Variants in MTRF1 observed in about 807,000 individuals in gnomAD.
MTRF1 encodes mitochondrial translation release factor 1.
MTRF1 carries 51 observed loss-of-function variants against 62.9 expected under a neutral mutation model. That is an observed-to-expected ratio of 0.81 (90% CI 0.65 to 1.02). The LOEUF (loss-of-function observed/expected upper bound fraction) is 1.02. MTRF1 is among the 50% of genes least tolerant of loss of function. The probability of loss-of-function intolerance (pLI) is 0.00; values close to 1 mark genes in which losing one functional copy is unlikely to be tolerated. For synonymous variants in MTRF1, 158 were observed against 181.9 expected (o/e 0.87, Z 1.06); for missense variants, 446 against 530.0 (o/e 0.84, Z 1.56).
intron 7 of MTRF1, among the ~76,000 whole-genome samples, chr13:41,228,883 C>T (rs1325513337): frequency 6.6e-6 from 1 of 152,114 alleles, no homozygotes; most frequent in South Asian, 2.1e-4. Context: ...CTAGCAGGGA[C>T]GGTTCCTAGT....
At chr13:41,289,100 T>C in the MTRF1 span, among the ~76,000 whole-genome samples, 1 of 152,290 alleles carries the variant, frequency 6.6e-6, no homozygotes, top group South Asian at 2.1e-4. Context: ...AAAAGCTCGA[T>C]GAGTGAGTGC....
At chr13:41,247,055 T>C (rs2038364001) in intron 5 of MTRF1, among the ~76,000 whole-genome samples, 1 of 152,256 alleles carries the variant, frequency 6.6e-6, no homozygotes, top group African/African-American at 2.4e-5. Flanking sequence ...TCAAGGCATA[T>C]GCAGGCATAC....
At chr13:41,250,181 C>G (rs1037349015) in intron 5 of MTRF1, among the ~76,000 whole-genome samples, 6 of 152,116 alleles carry the variant, frequency 3.9e-5, no homozygotes, top group Non-Finnish European at 8.8e-5. Context: ...TTCTACTACT[C>G]TCCTTTTCAT....
At chr13:41,305,262 T>C in the MTRF1 span, among the ~76,000 whole-genome samples, 1 of 152,204 alleles carries the variant, frequency 6.6e-6, no homozygotes, top group Non-Finnish European at 1.5e-5. Context: ...CTCACTATGT[T>C]GTCCAGGTTG....
chr13:41,218,124 C>CT (rs993379383), intron 9 of MTRF1, among the ~76,000 whole-genome samples: 10 of 150,836 alleles, frequency 6.6e-5, no homozygotes, highest in South Asian at 4.2e-4. Flanking sequence ...ATTGACTAAT[C>CT]TTTTTTTTTG....
intron 6 of MTRF1, chr13:41,235,129 TCC>T (rs2036263239): frequency 6.6e-6 from 1 of 151,806 alleles, no homozygotes; most frequent in Non-Finnish European, 1.5e-5. Flanking sequence ...CTCACTCTGT[TCC>T]CCAGGCTGGA....
intron 6 of MTRF1, among the ~76,000 whole-genome samples, chr13:41,237,678 T>C (rs1314211930): frequency 1.3e-5 from 2 of 152,102 alleles, no homozygotes; most frequent in African/African-American, 2.4e-5. Context: ...TTCGTATTTT[T>C]AGTAGAGACA....
At chr13:41,290,320 T>C in the MTRF1 span, among the ~76,000 whole-genome samples, 2 of 151,478 alleles carry the variant, frequency 1.3e-5, no homozygotes, top group Non-Finnish European at 2.9e-5. Context: ...AGGATGGTCT[T>C]GAACTCCTGA....
At chr13:41,227,658 T>C (rs2034698175) in intron 7 of MTRF1, among the ~76,000 whole-genome samples, 1 of 152,260 alleles carries the variant, frequency 6.6e-6, no homozygotes, top group African/African-American at 2.4e-5. Context: ...AGGGATTTTC[T>C]TTCTGAATCA....
At chr13:41,309,761 C>T in the MTRF1 span, among the ~76,000 whole-genome samples, 1 of 152,102 alleles carries the variant, frequency 6.6e-6, no homozygotes, top group African/African-American at 2.4e-5. Context: ...CTTTGGAAGG[C>T]CGAGGTGGGC....
the MTRF1 span, among the ~76,000 whole-genome samples, chr13:41,280,418 C>T: frequency 3.9e-5 from 6 of 152,318 alleles, no homozygotes; most frequent in African/African-American, 9.6e-5. Flanking sequence ...ATTGATGTCT[C>T]ATGCCTCCCT....
At chr13:41,225,514 G>A (rs896571047) in intron 8 of MTRF1, among the ~76,000 whole-genome samples, 19 of 152,134 alleles carry the variant, frequency 1.2e-4, no homozygotes, top group Non-Finnish European at 2.4e-4. Context: ...TTACCTGCAA[G>A]TTAGCGTGTA....
chr13:41,255,565 G>A (rs6560974), intron 2 of MTRF1, among the ~76,000 whole-genome samples: 81,734 of 151,906 alleles, frequency 0.54, 22,483 homozygotes, highest in South Asian at 0.62. Context: ...GGTGGTGCAC[G>A]CGTGTACCCC....
At chr13:41,291,289 C>T in the MTRF1 span, among the ~76,000 whole-genome samples, 1 of 152,044 alleles carries the variant, frequency 6.6e-6, no homozygotes, top group South Asian at 2.1e-4. Flanking sequence ...GTGATCTTCC[C>T]ACCTCAGCCT....
intron 5 of MTRF1, among the ~76,000 whole-genome samples, chr13:41,251,503 C>T (rs916233121): frequency 1.3e-5 from 2 of 152,126 alleles, no homozygotes; most frequent in Admixed American, 1.3e-4. Flanking sequence ...CCCCACCACT[C>T]CCTTCCCCAC....
intron 5 of MTRF1, among the ~76,000 whole-genome samples, chr13:41,246,117 T>A (rs2038220782): frequency 6.6e-6 from 1 of 152,174 alleles, no homozygotes; most frequent in African/African-American, 2.4e-5. Flanking sequence ...GGCTCCCAAA[T>A]TCCAGAGAAT....
intron 5 of MTRF1, among the ~76,000 whole-genome samples, 161 bp from the exon 6 acceptor site, chr13:41,240,594 G>A (rs1188716461): frequency 6.6e-6 from 1 of 152,018 alleles, no homozygotes; most frequent in African/African-American, 2.4e-5. Flanking sequence ...AAGAAAAGAG[G>A]ACATAAAGTA....
the MTRF1 span, among the ~76,000 whole-genome samples, chr13:41,309,715 A>G: frequency 1.3e-5 from 2 of 152,300 alleles, no homozygotes; most frequent in Admixed American, 1.3e-4. Context: ...AAAATCAAAT[A>G]GGCAGGCACT....
At chr13:41,272,481 C>T in the MTRF1 span, among the ~76,000 whole-genome samples, 1 of 152,118 alleles carries the variant, frequency 6.6e-6, no homozygotes, top group African/African-American at 2.4e-5. Flanking sequence ...TTACCCATAT[C>T]TTGGAATTCT....
Sources: allele counts gnomAD v4.1 joint callset (sites outside exome capture counted in the v4.1 genomes callset), GRCh38; gene constraint gnomAD v4.1.1; transcripts MANE v1.5; gene names NCBI Gene and HGNC (gene_info 2026-07-23, HGNC 2026-07-21).